Variants in ACTN2 observed in about 807,000 individuals in gnomAD.
The protein encoded by ACTN2 is alpha-actinin-2.
In ACTN2, 39 loss-of-function variants were observed where a neutral mutation model predicts 113.8. The observed-to-expected ratio is 0.34, with a 90% CI of 0.27 to 0.45. The LOEUF is 0.45. Ranked by LOEUF, ACTN2 falls within the 20% of genes least tolerant of loss-of-function variation. The pLI is 1.00. For missense variants in ACTN2, 992 were observed against 1,177.9 expected (o/e 0.84, Z 2.31); for synonymous variants, 429 against 444.1 (o/e 0.97, Z 0.43).
At chr1:236,746,035 G>A (rs866790106) in intron 12 of ACTN2, among the ~76,000 whole-genome samples, 7 of 151,512 alleles carry the variant, frequency 4.6e-5, no homozygotes, top group African/African-American at 1.2e-4. Context: ...GCATGGTGGC[G>A]GGCACCTGTA....
At chr1:236,737,277 T>C in intron 9 of ACTN2, 63 bp downstream of exon 9, 1 of 773,624 alleles carries the variant, frequency 1.3e-6, no homozygotes. Context: ...GCACAGAGGG[T>C]GAAAAAATAC....
At chr1:236,742,614 A>G (rs1659106484) in intron 10 of ACTN2, among the ~76,000 whole-genome samples, 1 of 152,248 alleles carries the variant, frequency 6.6e-6, no homozygotes, top group Admixed American at 6.5e-5. Flanking sequence ...TCTTGTAGCC[A>G]GAAATTGTCA....
At chr1:236,733,591 C>A (rs983181567) in intron 7 of ACTN2, among the ~76,000 whole-genome samples, 2 of 152,202 alleles carry the variant, frequency 1.3e-5, no homozygotes, top group African/African-American at 4.8e-5. Flanking sequence ...AAGAATCTTC[C>A]GGCAAACAGT....
chr1:236,737,863 A>G (rs12137719), intron 9 of ACTN2, among the ~76,000 whole-genome samples: 70,143 of 152,094 alleles, frequency 0.46, 19,178 homozygotes, highest in Non-Finnish European at 0.61. Context: ...ACTACGCAGT[A>G]TCCTCGCTGC....
chr1:236,735,758 C>T lies in ACTN2; in HGVS notation c.783+38C>T, dbSNP rs376745070. 5.8e-5 allele frequency: 91 copies of T among 1,575,280 alleles called. 1 individual carries two copies. Among genetic ancestry groups the T allele is most frequent in the African/African-American group, 1.9e-4 (14 of 74,194 alleles). ...TGTCCGTCCGGGCTGTTGTGTTACT[C>T]TCTGTTGGTTTTAGTTGTGTGTGCA... On this transcript the variant is annotated intron_variant, in intron 8 of 20. Coordinates refer to ENST00000366578, the MANE Select transcript of ACTN2 (RefSeq NM_001103.4).
intron 1 of ACTN2, 124 bp downstream of exon 1, chr1:236,686,923 C>T: frequency 9.0e-7 from 1 of 1,111,674 alleles, no homozygotes; most frequent in Non-Finnish European, 1.2e-6. Flanking sequence ...CTGTGCTGTC[C>T]TGTGCCCTCG....
intron 9 of ACTN2, 145 bp from the exon 10 acceptor site, chr1:236,739,157 A>G (rs1251229961): frequency 5.8e-6 from 5 of 856,586 alleles, no homozygotes; most frequent in South Asian, 2.8e-5. Flanking sequence ...CATCTCGTTC[A>G]TGCCTCTGTG....
intron 5 of ACTN2, among the ~76,000 whole-genome samples, chr1:236,726,392 A>C (rs1379541202): frequency 1.3e-5 from 2 of 152,172 alleles, no homozygotes; most frequent in Non-Finnish European, 2.9e-5. Flanking sequence ...CGTACCCCCC[A>C]CTAGCGACTC....
At chr1:236,709,247 TATATATATAC>T (rs1295611620) in intron 1 of ACTN2, among the ~76,000 whole-genome samples, 39 of 89,894 alleles carry the variant, frequency 4.3e-4, no homozygotes, top group African/African-American at 1.2e-3. Flanking sequence ...TATATATATA[TATATATATAC>T]ACACACACAC....
At chr1:236,718,462 G>A (rs1263817656) in intron 2 of ACTN2, among the ~76,000 whole-genome samples, 1 of 152,210 alleles carries the variant, frequency 6.6e-6, no homozygotes, top group Non-Finnish European at 1.5e-5. Flanking sequence ...AAGGATTATG[G>A]CAGATCTGCC....
intron 9 of ACTN2, among the ~76,000 whole-genome samples, chr1:236,737,579 A>G (rs1321578121): frequency 6.6e-6 from 1 of 151,218 alleles, no homozygotes; most frequent in Non-Finnish European, 1.5e-5. Flanking sequence ...CTGGCTACCA[A>G]CATCACATAG....
At chr1:236,739,259 G>A (rs750274559) in intron 9 of ACTN2, 43 bp from the exon 10 acceptor site, 5 of 1,587,928 alleles carry the variant, frequency 3.1e-6, no homozygotes, top group Admixed American at 3.3e-5. Flanking sequence ...GGGGGAGGGG[G>A]CTTGCTGGTG....
At position 236,762,598 on chromosome 1, in the gene ACTN2, C is replaced by G. The variant is rs767852364; in HGVS notation, c.2664C>G (p.Leu888=). The G allele has an allele frequency of 1.9e-6, 3 of 1,614,162 alleles. No homozygotes were observed. The South Asian group carries it at 3.3e-5, about 18-fold the overall frequency. Residue 888 remains leucine, a synonymous_variant, in exon 21 of 21, where the codon CTC becomes CTG. Coordinates refer to ENST00000366578, the MANE Select transcript of ACTN2 (RefSeq NM_001103.4). The stretch of plus-strand genomic sequence containing the variant: ...ATTACGCTGCGTTCTCTTCCGCACT[C>G]TACGGGGAGAGCGATCTGTGATGCT... ...ALDYAAFSSA[L]YGESDL
intron 7 of ACTN2, among the ~76,000 whole-genome samples, chr1:236,732,307 C>T (rs1043938826): frequency 3.3e-5 from 5 of 152,206 alleles, no homozygotes; most frequent in African/African-American, 1.2e-4. Context: ...GATTCTTCCT[C>T]GCCTCTTCCA....
chr1:236,745,237 A>T (rs900124272), intron 12 of ACTN2, among the ~76,000 whole-genome samples: 1 of 152,062 alleles, frequency 6.6e-6, no homozygotes, highest in Non-Finnish European at 1.5e-5. Flanking sequence ...GATCGAGACC[A>T]TCCTGGCTAA....
intron 1 of ACTN2, among the ~76,000 whole-genome samples, chr1:236,693,189 A>G (rs1189707389): frequency 3.3e-5 from 4 of 122,616 alleles, no homozygotes; most frequent in South Asian, 2.7e-4. Context: ...ACACACACAC[A>G]CACACACACA....
intron 4 of ACTN2, among the ~76,000 whole-genome samples, chr1:236,721,261 C>T (rs1390433683): frequency 6.6e-6 from 1 of 151,576 alleles, no homozygotes; most frequent in African/African-American, 2.4e-5. Context: ...CTCCTGAGCT[C>T]GTGATCCGCC....
chr1:236,715,254 C>G (rs182840988), intron 1 of ACTN2, among the ~76,000 whole-genome samples: 62 of 150,764 alleles, frequency 4.1e-4, no homozygotes, highest in Non-Finnish European at 4.7e-4. Flanking sequence ...TGTGCTGCAC[C>G]TATTAACTCG....
chr1:236,757,470 C>T lies in ACTN2; in HGVS notation c.2155-16C>T. On this transcript the variant is annotated splice_polypyrimidine_tract_variant and intron_variant, in intron 17 of 20. Coordinates refer to ENST00000366578, the MANE Select transcript of ACTN2 (RefSeq NM_001103.4). ...GGAGAGACTTAGAACTGATCTTTCCCCTTTTCCCTCAATAGCACATTCGTG... is the reference window on the plus strand; with the variant it reads ...GGAGAGACTTAGAACTGATCTTTCCTCTTTTCCCTCAATAGCACATTCGTG... The T allele has an allele frequency of 1.2e-6, 2 of 1,614,078 alleles. No individual in the cohort carries two copies. Among genetic ancestry groups the T allele is most frequent in the Non-Finnish European group, 1.7e-6 (2 of 1,179,984 alleles).
Sources: gnomAD v4.1 joint callset for allele counts (sites outside exome capture counted in the v4.1 genomes callset) on GRCh38, gnomAD v4.1.1 for gene constraint, MANE v1.5 for transcripts, NCBI Gene and HGNC (gene_info 2026-07-23, HGNC 2026-07-21) for gene names.